ADAMTS3: variants seen among roughly 807,000 people sequenced by gnomAD.
ADAMTS3 encodes the protein A disintegrin and metalloproteinase with thrombospondin motifs 3.
In ADAMTS3, 73 loss-of-function variants were observed where a neutral mutation model predicts 129.0. The ratio of observed to expected loss-of-function variants is 0.57; its 90% CI spans 0.47 to 0.69. The LOEUF (loss-of-function observed/expected upper bound fraction) is 0.69. Among genes scored for constraint, ADAMTS3 ranks in the 30% least tolerant of loss-of-function variants. The pLI, the probability that ADAMTS3 is intolerant of heterozygous loss-of-function variation, is 0.00. For missense variants in ADAMTS3, 1,457 were observed against 1,514.5 expected, an observed-to-expected ratio of 0.96 and a Z score of 0.63; for synonymous variants, 477 against 510.8, an observed-to-expected ratio of 0.93 and a Z score of 0.89.
chr4:72,424,184 A>C (rs1249813376), intron 3 of ADAMTS3, among the ~76,000 whole-genome samples: 1 of 152,118 alleles, frequency 6.6e-6, no homozygotes, highest in African/African-American at 2.4e-5. Context: ...GCTTTCTGTT[A>C]TCTCGAAAGC....
At chr4:72,385,786 C>T (rs1427081576) in intron 4 of ADAMTS3, among the ~76,000 whole-genome samples, 1 of 152,062 alleles carries the variant, frequency 6.6e-6, no homozygotes, top group East Asian at 1.9e-4. Context: ...CCATTCTACC[C>T]TAAACCTCAG....
intron 4 of ADAMTS3, among the ~76,000 whole-genome samples, chr4:72,365,909 GA>G (rs990197951): frequency 6.6e-6 from 1 of 152,160 alleles, no homozygotes; most frequent in Admixed American, 6.5e-5. Context: ...TTTATGGTTC[GA>G]AAACATGCAA....
At chr4:72,460,455 T>A (rs1383927) in intron 3 of ADAMTS3, among the ~76,000 whole-genome samples, 4 of 151,386 alleles carry the variant, frequency 2.6e-5, no homozygotes, top group Non-Finnish European at 4.4e-5. Flanking sequence ...ACCTGAAATA[T>A]GCACATTTAA....
At chr4:72,290,569 G>T (rs941935135) in intron 20 of ADAMTS3, among the ~76,000 whole-genome samples, 2 of 152,186 alleles carry the variant, frequency 1.3e-5, no homozygotes, top group African/African-American at 4.8e-5. Flanking sequence ...AATATCAGGG[G>T]TTTGGAATTT....
intron 4 of ADAMTS3, among the ~76,000 whole-genome samples, chr4:72,392,446 G>A (rs1721620114): frequency 6.6e-6 from 1 of 152,120 alleles, no homozygotes; most frequent in African/African-American, 2.4e-5. Context: ...TTAATCCAAA[G>A]TAGTGGGAAT....
At chr4:72,475,095 A>C (rs1245876946) in intron 3 of ADAMTS3, among the ~76,000 whole-genome samples, 1 of 152,092 alleles carries the variant, frequency 6.6e-6, no homozygotes, top group Non-Finnish European at 1.5e-5. Flanking sequence ...AATAAAACAA[A>C]GAATTAAAAA....
intron 3 of ADAMTS3, among the ~76,000 whole-genome samples, chr4:72,424,838 T>C (rs1317622226): frequency 6.6e-6 from 1 of 152,170 alleles, no homozygotes; most frequent in Non-Finnish European, 1.5e-5. Flanking sequence ...ATCCTACTTG[T>C]AGGACAGTCT....
intron 20 of ADAMTS3, among the ~76,000 whole-genome samples, chr4:72,289,100 T>C (rs1278427837): frequency 1.3e-5 from 2 of 152,130 alleles, no homozygotes; most frequent in African/African-American, 4.8e-5. Context: ...CTACATAAGA[T>C]TCACCTTCCT....
At chr4:72,353,030 C>T (rs2109846474) in intron 4 of ADAMTS3, among the ~76,000 whole-genome samples, 1 of 152,074 alleles carries the variant, frequency 6.6e-6, no homozygotes, top group South Asian at 2.1e-4. Flanking sequence ...TGTTTTCGTT[C>T]ATTCTCACGT....
Position 72,551,523 on chromosome 4 carries a change from C to T in ADAMTS3, c.98-2639G>A, listed in dbSNP as rs117936180. ...TTTGAATGAGTCATTTTTCTGTTGG[C>T]AATTAAGGTAATGAGGAAAAAGATA... On this transcript the variant is annotated intron_variant, in intron 2 of 21. Coordinates refer to ENST00000286657, the MANE Select transcript of ADAMTS3 (RefSeq NM_014243.3). Among the ~76,000 whole-genome samples, 3 of 152,134 alleles carry T rather than the reference C, an allele frequency of 2.0e-5. No homozygotes were observed. In the East Asian group the frequency reaches 5.8e-4, roughly 29 times the overall value.
intron 3 of ADAMTS3, among the ~76,000 whole-genome samples, chr4:72,420,452 G>C (rs773058367): frequency 1.3e-5 from 2 of 152,100 alleles, no homozygotes; most frequent in Non-Finnish European, 2.9e-5. Flanking sequence ...GCTTCTCAAA[G>C]AGCATACACG....
intron 3 of ADAMTS3, among the ~76,000 whole-genome samples, chr4:72,448,765 C>T (rs1485452175): frequency 6.6e-6 from 1 of 151,268 alleles, no homozygotes; most frequent in East Asian, 2.0e-4. Context: ...AAAAGTAAGC[C>T]TCCTCCCCTT....
rs148936685 is a variant in ADAMTS3, at chr4:72,501,995, G to C, written c.504+46483C>G. Among the ~76,000 whole-genome samples, 730 of 152,182 alleles carry C rather than the reference G, an allele frequency of 4.8e-3. 4 individuals carry two copies. The highest frequency in any genetic ancestry group is 0.017 in the African/African-American group (691 of 41,500). ...TCATGGTGCATTCACTTTTTGATGT[G>C]CTGCTGGATTTAGTTTGCTAGTATT... On this transcript the variant is annotated intron_variant, in intron 3 of 21. Transcript: ENST00000286657.
intron 3 of ADAMTS3, among the ~76,000 whole-genome samples, chr4:72,431,261 G>A (rs946267464): frequency 6.6e-6 from 1 of 151,934 alleles, no homozygotes; most frequent in Non-Finnish European, 1.5e-5. Flanking sequence ...CCTGCTATGG[G>A]GTCATTCAGT....
At chr4:72,468,396 G>A (rs1718976107) in intron 3 of ADAMTS3, among the ~76,000 whole-genome samples, 1 of 151,854 alleles carries the variant, frequency 6.6e-6, no homozygotes, top group Non-Finnish European at 1.5e-5. Flanking sequence ...ATACTCTAAT[G>A]GCAAATATCA....
At chr4:72,440,575 G>A (rs1255477943) in intron 3 of ADAMTS3, among the ~76,000 whole-genome samples, 1 of 151,772 alleles carries the variant, frequency 6.6e-6, no homozygotes, top group Non-Finnish European at 1.5e-5. Context: ...GGCCTAGAGT[G>A]GCTTCAGCAC....
At chr4:72,523,037 G>A (rs1720714218) in intron 3 of ADAMTS3, among the ~76,000 whole-genome samples, 1 of 151,878 alleles carries the variant, frequency 6.6e-6, no homozygotes, top group African/African-American at 2.4e-5. Flanking sequence ...AAGAAATAAT[G>A]TCTGAAATTA....
chr4:72,336,889 A>G (rs1260831913), intron 5 of ADAMTS3, among the ~76,000 whole-genome samples: 2 of 151,748 alleles, frequency 1.3e-5, no homozygotes, highest in African/African-American at 4.8e-5. Context: ...AAAAAAGTCT[A>G]CAGACATTGC....
At position 72,283,344 on chromosome 4, in the gene ADAMTS3, G is replaced by A. The variant is rs778309362; in HGVS notation, c.3410C>T (p.Ala1137Val). The change falls in exon 22 of 22, where the codon GCA becomes GTA. Residue 1137 changes from alanine to valine, a missense_variant. Coordinates refer to ENST00000286657, the MANE Select transcript of ADAMTS3 (RefSeq NM_014243.3). ...ANLRQRSAQQAGSKTVRLVTV... is the reference protein window; with the variant it reads ...ANLRQRSAQQVGSKTVRLVTV... ...GACCAGTCTCACAGTCTTACTTCCT[G>A]CTTGCTGAGCACTCCTCTGGCGTAA... 1.1e-5 allele frequency: 17 copies of A among 1,613,656 alleles called. No individual in the cohort carries two copies. The highest frequency in any genetic ancestry group is 1.3e-5 in the African/African-American group (1 of 74,908).
Sources: gnomAD v4.1 joint callset for allele counts (sites outside exome capture counted in the v4.1 genomes callset) on GRCh38, gnomAD v4.1.1 for gene constraint, MANE v1.5 for transcripts, NCBI Gene and HGNC (gene_info 2026-07-23, HGNC 2026-07-21) for gene names.